The following PRKN variants were observed in gnomAD, a reference collection of about 807,000 sequenced individuals.
The protein encoded by PRKN is E3 ubiquitin-protein ligase parkin.
A neutral mutation model predicts 59.5 loss-of-function variants in PRKN; 56 were observed. The observed-to-expected ratio is 0.94, with a 90% confidence interval of 0.76 to 1.18. The LOEUF is 1.18. Among genes scored for constraint, PRKN ranks in the 50% most tolerant of loss-of-function variants. The pLI is 0.00. For synonymous variants in PRKN, 250 were observed against 222.1 expected (o/e 1.13, Z -1.12); for missense variants, 657 against 596.4 (o/e 1.10, Z -1.06).
intron 4 of PRKN, among the ~76,000 whole-genome samples, chr6:162,118,101 A>C (rs118050755): frequency 0.017 from 2,622 of 151,856 alleles, 51 homozygotes; most frequent in Admixed American, 0.053. Context: ...TTTCATTAAC[A>C]TTTCAAATTT....
Position 162,146,796 on chromosome 6 carries a change from C to T in PRKN, c.534+54335G>A, listed in dbSNP as rs527476935. Among the ~76,000 whole-genome samples, 15 of 151,102 alleles carry T rather than the reference C, an allele frequency of 9.9e-5. No individual in the cohort carries two copies. In the South Asian group the frequency reaches 2.5e-3, roughly 25 times the overall value. ...CTGGGGTTACAGGTGTGCCACCACACCTGGCCTACATTCTTTTTATTCCTC... is the reference window on the plus strand; with the variant it reads ...CTGGGGTTACAGGTGTGCCACCACATCTGGCCTACATTCTTTTTATTCCTC... On this transcript the variant is annotated intron_variant, in intron 4 of 11. Transcript: ENST00000366898.
intron 7 of PRKN, among the ~76,000 whole-genome samples, chr6:161,782,575 A>G (rs1221935529): frequency 6.6e-6 from 1 of 152,190 alleles, no homozygotes; most frequent in African/African-American, 2.4e-5. Context: ...AATATTTTAC[A>G]TATTATGAAA....
chr6:162,521,495 C>T (rs916852273), intron 1 of PRKN, among the ~76,000 whole-genome samples: 4 of 152,124 alleles, frequency 2.6e-5, no homozygotes, highest in Admixed American at 6.6e-5. Flanking sequence ...ATGATTACAT[C>T]CATTTTGGTC....
rs956517037 is a variant in PRKN, at chr6:161,475,987, C to G, written c.1083+72867G>C. ...GGATCACGAGGTCAGGAGATGGAGA[C>G]CATCCTGGTTAACACGGTGAAAGCC... is the stretch of plus-strand genomic sequence containing the variant. On this transcript the variant is annotated intron_variant, in intron 9 of 11. Coordinates refer to ENST00000366898, the MANE Select transcript of PRKN (RefSeq NM_004562.3). The surrounding 1 kb of genome is among the most constrained non-coding windows in gnomAD (Gnocchi z 5.3). Among the ~76,000 whole-genome samples, 31 of 152,034 alleles carry G rather than the reference C, an allele frequency of 2.0e-4. No homozygotes were observed. Among genetic ancestry groups the G allele is most frequent in the East Asian group, 7.7e-4 (4 of 5,168 alleles).
intron 9 of PRKN, among the ~76,000 whole-genome samples, chr6:161,426,778 G>T (rs894212788): frequency 1.3e-5 from 2 of 151,920 alleles, no homozygotes; most frequent in African/African-American, 4.8e-5. Flanking sequence ...GAGTGCAGTG[G>T]CGCAATCTCG....
At position 161,446,575 on chromosome 6, in the gene PRKN, G is replaced by T. The variant is rs1789504303; in HGVS notation, c.1084-59698C>A. 6.6e-6 allele frequency among the ~76,000 whole-genome samples: 1 copy of T among 152,162 alleles called. No homozygotes were observed. Among genetic ancestry groups the T allele is most frequent in the Admixed American group, 6.6e-5 (1 of 15,264 alleles). On this transcript the variant is annotated intron_variant, in intron 9 of 11. Coordinates refer to ENST00000366898, the MANE Select transcript of PRKN (RefSeq NM_004562.3). The surrounding 1 kb of genome is among the most constrained non-coding windows in gnomAD (Gnocchi z 6.2). ...ATGGAGGAATTCATACCTGTTCCTG[G>T]AGCAATCTATTTTTAACCTTGTTAA...
intron 5 of PRKN, among the ~76,000 whole-genome samples, chr6:161,975,881 G>A (rs1413121056): frequency 6.6e-6 from 1 of 152,134 alleles, no homozygotes; most frequent in Non-Finnish European, 1.5e-5. Flanking sequence ...CGTAAAATAT[G>A]TGACTCTCAA....
At chr6:161,387,210 C>A (rs1786296022) in intron 9 of PRKN, among the ~76,000 whole-genome samples, 1 of 152,116 alleles carries the variant, frequency 6.6e-6, no homozygotes, top group Non-Finnish European at 1.5e-5. Context: ...CCCATAATCC[C>A]CATGTGTCAT....
At chr6:161,777,908 G>GTATATA (rs1242912497) in intron 7 of PRKN, among the ~76,000 whole-genome samples, 8 of 143,776 alleles carry the variant, frequency 5.6e-5, no homozygotes, top group African/African-American at 1.3e-4. Context: ...ACATATATAT[G>GTATATA]TGTATATATA....
chr6:162,112,879 C>T (rs1246123439), intron 4 of PRKN, among the ~76,000 whole-genome samples: 6 of 151,996 alleles, frequency 3.9e-5, no homozygotes, highest in South Asian at 2.1e-4. Flanking sequence ...GCCATGGTCG[C>T]GCCACTGCAC....
At chr6:161,864,083 T>G (rs1472711188) in intron 6 of PRKN, among the ~76,000 whole-genome samples, 1 of 152,202 alleles carries the variant, frequency 6.6e-6, no homozygotes, top group Non-Finnish European at 1.5e-5. Context: ...GTGACTATAG[T>G]GGTTCCATAC....
intron 7 of PRKN, among the ~76,000 whole-genome samples, chr6:161,616,858 T>C (rs1388280432): frequency 1.4e-5 from 2 of 144,348 alleles, no homozygotes; most frequent in African/African-American, 5.0e-5. Context: ...TGAACAGTGC[T>C]GTAGTAAACA....
chr6:161,500,938 C>A (rs1777941074), intron 9 of PRKN, among the ~76,000 whole-genome samples: 1 of 144,498 alleles, frequency 6.9e-6, no homozygotes, highest in Admixed American at 7.0e-5. Context: ...TGCAATGGCG[C>A]AATCTTGGCT....
At chr6:162,024,984 G>A (rs1014659909) in intron 5 of PRKN, among the ~76,000 whole-genome samples, 8 of 147,366 alleles carry the variant, frequency 5.4e-5, no homozygotes, top group East Asian at 3.9e-4. Flanking sequence ...ACTTCTATAC[G>A]TTTCTATGTT....
At chr6:162,675,605 A>C (rs1052258171) in intron 1 of PRKN, among the ~76,000 whole-genome samples, 1 of 152,190 alleles carries the variant, frequency 6.6e-6, no homozygotes, top group African/African-American at 2.4e-5. Flanking sequence ...GCAGGACTTA[A>C]AACAACTACA....
intron 6 of PRKN, among the ~76,000 whole-genome samples, chr6:161,910,437 T>C (rs1055048713): frequency 9.9e-5 from 15 of 152,114 alleles, no homozygotes; most frequent in African/African-American, 3.6e-4. Context: ...GTATTTTTAG[T>C]AGAGACGGGG....
At chr6:162,047,167 C>T (rs778571955) in intron 5 of PRKN, among the ~76,000 whole-genome samples, 3 of 152,128 alleles carry the variant, frequency 2.0e-5, no homozygotes, top group Admixed American at 1.3e-4. Context: ...TGGGGACCAA[C>T]GTAAGGGCAG....
At chr6:162,156,175 C>A (rs1009597614) in intron 4 of PRKN, among the ~76,000 whole-genome samples, 4 of 152,202 alleles carry the variant, frequency 2.6e-5, no homozygotes, top group African/African-American at 4.8e-5. Flanking sequence ...TATTGGATAC[C>A]AATGACAGTC....
intron 7 of PRKN, among the ~76,000 whole-genome samples, chr6:161,746,557 TTA>T (rs1277151824): frequency 2.1e-5 from 3 of 144,904 alleles, no homozygotes; most frequent in South Asian, 4.3e-4. Context: ...ATCTATTTTT[TTA>T]TATATATATA....
Sources: gnomAD v4.1 joint callset for allele counts (sites outside exome capture counted in the v4.1 genomes callset) on GRCh38, gnomAD v4.1.1 for gene constraint, Gnocchi (gnomAD v3.1) non-coding constraint, MANE v1.5 for transcripts, NCBI Gene and HGNC (gene_info 2026-07-23, HGNC 2026-07-21) for gene names.